The following ANKS1B variants were observed in gnomAD, a reference collection of about 807,000 sequenced individuals.
The protein encoded by ANKS1B is ankyrin repeat and sterile alpha motif domain containing 1B.
A neutral mutation model predicts 148.3 loss-of-function variants in ANKS1B; 36 were observed. That is an observed-to-expected ratio of 0.24 (90% CI 0.19 to 0.32). The LOEUF (loss-of-function observed/expected upper bound fraction) is 0.32, where lower values mean the gene tolerates loss of function less well. Ranked by LOEUF, ANKS1B falls within the 10% of genes least tolerant of loss-of-function variation. ANKS1B has a pLI of 1.00. For missense variants in ANKS1B, 1,157 were observed against 1,542.6 expected (o/e 0.75, Z 4.19); for synonymous variants, 542 against 560.8 (o/e 0.97, Z 0.47).
intron 9 of ANKS1B, among the ~76,000 whole-genome samples, chr12:98,737,070 C>T (rs1442908801): frequency 6.6e-6 from 1 of 152,188 alleles, no homozygotes; most frequent in Non-Finnish European, 1.5e-5. Context: ...TCCTGAAGCA[C>T]TTATCTCATT....
intron 17 of ANKS1B, among the ~76,000 whole-genome samples, chr12:99,035,864 A>T (rs1439380200): frequency 6.6e-6 from 1 of 152,154 alleles, no homozygotes; most frequent in African/African-American, 2.4e-5. Flanking sequence ...GCACGTGGCC[A>T]TGGCTGGGCT....
intron 25 of ANKS1B, among the ~76,000 whole-genome samples, chr12:98,759,714 G>C (rs1175932995): frequency 6.6e-6 from 1 of 152,160 alleles, no homozygotes; most frequent in East Asian, 1.9e-4. Flanking sequence ...TGATTAAGTA[G>C]AATACTAGGT....
intron 1 of ANKS1B, among the ~76,000 whole-genome samples, chr12:99,857,272 G>A (rs2089293386): frequency 6.6e-6 from 1 of 151,746 alleles, no homozygotes; most frequent in African/African-American, 2.4e-5. Flanking sequence ...AAGAACTCAA[G>A]CCCTTTTACA....
intron 1 of ANKS1B, 28 bp downstream of exon 1, chr12:99,984,076 C>T: frequency 2.5e-6 from 4 of 1,596,100 alleles, no homozygotes; most frequent in Non-Finnish European, 3.4e-6. Flanking sequence ...TGAGGTGTGC[C>T]AACCCCGGAG....
intron 17 of ANKS1B, among the ~76,000 whole-genome samples, chr12:98,993,416 G>A (rs910098106): frequency 1.3e-5 from 2 of 152,152 alleles, no homozygotes; most frequent in Admixed American, 6.5e-5. Context: ...TGATCCGCCC[G>A]CCTTGGCCTC....
At chr12:99,286,964 CA>C (rs1459939917) in intron 12 of ANKS1B, among the ~76,000 whole-genome samples, 5 of 152,150 alleles carry the variant, frequency 3.3e-5, no homozygotes, top group Admixed American at 6.5e-5. Flanking sequence ...CACTCTGGGC[CA>C]GGGGGGAGCT....
At chr12:99,124,518 C>T (rs963348379) in intron 15 of ANKS1B, among the ~76,000 whole-genome samples, 3 of 151,864 alleles carry the variant, frequency 2.0e-5, no homozygotes, top group Admixed American at 6.6e-5. Context: ...TTCATCTAGG[C>T]AACTAAATGT....
chr12:98,776,967 T>TAA (rs1208846432), intron 24 of ANKS1B, among the ~76,000 whole-genome samples: 1 of 152,122 alleles, frequency 6.6e-6, no homozygotes, highest in African/African-American at 2.4e-5. Flanking sequence ...GAGGCAGAAA[T>TAA]ATTGCTTGAA....
intron 12 of ANKS1B, among the ~76,000 whole-genome samples, chr12:99,363,190 C>T (rs751287076): frequency 6.6e-6 from 1 of 151,926 alleles, no homozygotes; most frequent in Non-Finnish European, 1.5e-5. Flanking sequence ...TCACAAATTC[C>T]ACTTTTAGTA....
intron 9 of ANKS1B, among the ~76,000 whole-genome samples, chr12:99,582,261 G>C (rs1055924254): frequency 6.6e-6 from 1 of 151,356 alleles, no homozygotes; most frequent in African/African-American, 2.4e-5. Context: ...ATGCAAAATG[G>C]CTTAGCCATT....
intron 1 of ANKS1B, among the ~76,000 whole-genome samples, chr12:99,852,443 T>C (rs935986750): frequency 5.3e-5 from 8 of 152,194 alleles, no homozygotes; most frequent in Non-Finnish European, 7.3e-5. Context: ...TTTCAAAATA[T>C]TGGATTGAAT....
intron 4 of ANKS1B, among the ~76,000 whole-genome samples, chr12:99,783,852 T>C (rs1026340569): frequency 2.0e-5 from 3 of 152,068 alleles, no homozygotes; most frequent in African/African-American, 7.2e-5. Context: ...GATTATATAT[T>C]TTCAAATACT....
At chr12:99,569,885 T>G (rs2097433957) in intron 9 of ANKS1B, among the ~76,000 whole-genome samples, 1 of 152,154 alleles carries the variant, frequency 6.6e-6, no homozygotes, top group Admixed American at 6.5e-5. Context: ...TTGATCTCAA[T>G]GCCCTCCCTA....
intron 10 of ANKS1B, among the ~76,000 whole-genome samples, chr12:99,472,860 C>T (rs1351810250): frequency 6.6e-6 from 1 of 151,958 alleles, no homozygotes; most frequent in Non-Finnish European, 1.5e-5. Flanking sequence ...AAAGAAAGTC[C>T]TTGAAGGCAC....
intron 17 of ANKS1B, among the ~76,000 whole-genome samples, chr12:98,939,606 G>A (rs966363161): frequency 6.6e-6 from 1 of 152,204 alleles, no homozygotes; most frequent in Non-Finnish European, 1.5e-5. Flanking sequence ...TAGTGCTAAT[G>A]TTTTAGAAAG....
At chr12:99,648,355 G>A in intron 9 of ANKS1B, 2 of 1,614,184 alleles carry the variant, frequency 1.2e-6, no homozygotes, top group African/African-American at 1.3e-5. Context: ...AGAAGTGATT[G>A]ACGTGCACAA....
intron 9 of ANKS1B, among the ~76,000 whole-genome samples, chr12:99,632,727 C>CTTTATATA (rs1555520239): frequency 2.6e-5 from 1 of 39,052 alleles, no homozygotes; most frequent in Non-Finnish European, 5.6e-5. Flanking sequence ...CCTTTTCTTT[C>CTTTATATA]TATATATATA....
At chr12:99,033,214 C>T (rs1268815835) in intron 17 of ANKS1B, among the ~76,000 whole-genome samples, 1 of 152,118 alleles carries the variant, frequency 6.6e-6, no homozygotes, top group Non-Finnish European at 1.5e-5. Context: ...CTAAGTTATT[C>T]TTATGTATAG....
At chr12:98,812,593 C>T (rs2099105954) in intron 19 of ANKS1B, among the ~76,000 whole-genome samples, 1 of 152,106 alleles carries the variant, frequency 6.6e-6, no homozygotes. Context: ...TTTTTTTTGA[C>T]ACAGAACCTT....
Sources: gnomAD v4.1 joint callset for allele counts (sites outside exome capture counted in the v4.1 genomes callset) on GRCh38, gnomAD v4.1.1 for gene constraint, MANE v1.5 for transcripts, NCBI Gene and HGNC (gene_info 2026-07-23, HGNC 2026-07-21) for gene names.